The following SLC8A1 variants were observed in gnomAD, a reference collection of about 807,000 sequenced individuals.
SLC8A1 encodes sodium/calcium exchanger 1.
Under a neutral mutation model 68.3 loss-of-function variants are expected in SLC8A1, and 18 were observed. That is an observed-to-expected ratio of 0.26 (90% CI 0.18 to 0.39). The LOEUF (loss-of-function observed/expected upper bound fraction) is 0.39, where lower values mean the gene tolerates loss of function less well. SLC8A1 is among the 10% of genes least tolerant of loss of function. The probability of loss-of-function intolerance (pLI) is 1.00; values close to 1 mark genes in which losing one functional copy is unlikely to be tolerated. For missense variants in SLC8A1, 985 were observed against 1,156.7 expected (o/e 0.85, Z 2.15); for synonymous variants, 475 against 415.5 (o/e 1.14, Z -1.74).
At chr2:40,430,746 T>C (rs1204198953) in intron 1 of SLC8A1, among the ~76,000 whole-genome samples, 7 of 152,202 alleles carry the variant, frequency 4.6e-5, no homozygotes, top group Non-Finnish European at 7.3e-5. Flanking sequence ...TAGTACATCA[T>C]CTTCCAAAAA....
At chr2:40,100,139 A>C (rs908976588) in exon 8 of SLC8A1, 2 of 152,168 alleles carry the variant, frequency 1.3e-5, no homozygotes, top group African/African-American at 2.4e-5. Flanking sequence ...ACTGAAAGGC[A>C]AAGCTGTTGT....
At chr2:40,482,056 C>CCTG (rs1704661765) in intron 1 of SLC8A1, among the ~76,000 whole-genome samples, 1 of 152,146 alleles carries the variant, frequency 6.6e-6, no homozygotes. Flanking sequence ...GTCCCAAGCT[C>CCTG]CTGCATTTTT....
chr2:40,464,309 AATTCTAGC>A (rs1226230368), intron 1 of SLC8A1, among the ~76,000 whole-genome samples: 3 of 152,232 alleles, frequency 2.0e-5, no homozygotes, highest in African/African-American at 7.2e-5. Flanking sequence ...GCACTGGCTG[AATTCTAGC>A]ATAGAGACAA....
exon 8 of SLC8A1, chr2:40,100,581 T>C (rs1241669234): frequency 6.6e-6 from 1 of 152,106 alleles, no homozygotes; most frequent in Non-Finnish European, 1.5e-5. Flanking sequence ...GGCTTTAACT[T>C]TGATTAAAAA....
intron 2 of SLC8A1, among the ~76,000 whole-genome samples, chr2:40,348,421 G>A (rs1057038277): frequency 3.3e-5 from 5 of 152,092 alleles, no homozygotes; most frequent in East Asian, 1.9e-4. Flanking sequence ...CCTATCTACC[G>A]TTTCAGACAT....
At chr2:40,316,236 C>T (rs2074430160) in intron 2 of SLC8A1, among the ~76,000 whole-genome samples, 1 of 151,994 alleles carries the variant, frequency 6.6e-6, no homozygotes, top group Non-Finnish European at 1.5e-5. Flanking sequence ...ACTCAACTGT[C>T]CTTTGTGGTT....
At chr2:40,352,020 G>A (rs1038833339) in intron 2 of SLC8A1, among the ~76,000 whole-genome samples, 9 of 152,034 alleles carry the variant, frequency 5.9e-5, no homozygotes, top group African/African-American at 2.2e-4. Context: ...AACATGAAAA[G>A]GTTTTTAAAA....
At chr2:40,397,068 C>T (rs917736447) in intron 2 of SLC8A1, among the ~76,000 whole-genome samples, 1 of 152,108 alleles carries the variant, frequency 6.6e-6, no homozygotes. Context: ...AAGAGTGGAT[C>T]CGTGGATCAG....
intron 2 of SLC8A1, among the ~76,000 whole-genome samples, chr2:40,216,620 C>T (rs577961604): frequency 6.6e-6 from 1 of 152,164 alleles, no homozygotes; most frequent in African/African-American, 2.4e-5. Flanking sequence ...TTCCCATCAA[C>T]AGTGTAAATG....
chr2:40,172,625 A>G lies in SLC8A1; in HGVS notation c.1930+2200T>C, dbSNP rs563657663. Reference sequence around the variant, plus strand: ...AGATATTAAAAGGGAGGACAGTTCAAATGACATAGAAGGAAGGCCCTTAAA... The same window carrying G: ...AGATATTAAAAGGGAGGACAGTTCAGATGACATAGAAGGAAGGCCCTTAAA... On this transcript the variant is annotated intron_variant, in intron 4 of 7. Transcript: ENST00000406785. 2.6e-5 allele frequency among the ~76,000 whole-genome samples: 4 copies of G among 152,242 alleles called. No individual in the cohort carries two copies. The East Asian group carries it at 7.7e-4, about 29-fold the overall frequency.
intron 2 of SLC8A1, among the ~76,000 whole-genome samples, chr2:40,318,827 G>T (rs750812133): frequency 2.0e-5 from 3 of 152,096 alleles, no homozygotes; most frequent in Non-Finnish European, 4.4e-5. Context: ...TGCCTACTGT[G>T]TGCAACGCTT....
chr2:40,221,467 G>A (rs1300335357), intron 2 of SLC8A1, among the ~76,000 whole-genome samples: 3 of 152,076 alleles, frequency 2.0e-5, no homozygotes, highest in Admixed American at 1.3e-4. Flanking sequence ...TTTGAAAACT[G>A]GCACAAGACA....
At chr2:40,485,204 G>A (rs1704884761) in intron 1 of SLC8A1, among the ~76,000 whole-genome samples, 1 of 152,100 alleles carries the variant, frequency 6.6e-6, no homozygotes. Flanking sequence ...ACAGGGTCAA[G>A]GGAAAAGGGT....
At chr2:40,201,617 C>G (rs575707074) in intron 2 of SLC8A1, among the ~76,000 whole-genome samples, 36 of 152,062 alleles carry the variant, frequency 2.4e-4, no homozygotes, top group African/African-American at 8.7e-4. Context: ...GGGTTCTTGA[C>G]TATTCTGGCT....
intron 2 of SLC8A1, among the ~76,000 whole-genome samples, chr2:40,186,462 T>C (rs2148620372): frequency 6.6e-6 from 1 of 152,270 alleles, no homozygotes; most frequent in Middle Eastern, 3.4e-3. Context: ...TATTATCATT[T>C]TCTGTAAGTG....
intron 2 of SLC8A1, among the ~76,000 whole-genome samples, chr2:40,182,461 A>C (rs1270978250): frequency 6.6e-6 from 1 of 152,186 alleles, no homozygotes; most frequent in Non-Finnish European, 1.5e-5. Context: ...ATTTTTATGG[A>C]AGTACATTTT....
intron 1 of SLC8A1, among the ~76,000 whole-genome samples, chr2:40,473,613 A>C (rs1704117128): frequency 6.6e-6 from 1 of 152,238 alleles, no homozygotes; most frequent in Admixed American, 6.5e-5. Context: ...TTTGTTGAAC[A>C]AATGAGTGAA....
intron 2 of SLC8A1, among the ~76,000 whole-genome samples, chr2:40,329,217 A>C (rs558839170): frequency 6.6e-6 from 1 of 152,240 alleles, no homozygotes; most frequent in Admixed American, 6.5e-5. Context: ...TTGAAACCTT[A>C]CGCAACCGTT....
intron 1 of SLC8A1, among the ~76,000 whole-genome samples, chr2:40,473,688 T>A (rs1014471308): frequency 2.6e-5 from 4 of 152,188 alleles, no homozygotes; most frequent in Middle Eastern, 3.2e-3. Flanking sequence ...CAAAGGATAG[T>A]GGGCTTGTTT....
Sources: gnomAD v4.1 joint callset for allele counts (sites outside exome capture counted in the v4.1 genomes callset) on GRCh38, gnomAD v4.1.1 for gene constraint, MANE v1.5 for transcripts, NCBI Gene and HGNC (gene_info 2026-07-23, HGNC 2026-07-21) for gene names.